Variants in CDH18 observed in about 807,000 individuals in gnomAD.
CDH18 encodes the protein cadherin 18.
CDH18 carries 31 observed loss-of-function variants against 67.9 expected under a neutral mutation model. The observed-to-expected ratio is 0.46, with a 90% CI of 0.34 to 0.62. CDH18 has a LOEUF of 0.62. Among genes scored for constraint, CDH18 ranks in the 20% least tolerant of loss-of-function variants. CDH18 has a pLI of 0.01. For synonymous variants in CDH18, 362 were observed against 347.2 expected (o/e 1.04, Z -0.48); for missense variants, 890 against 975.5 (o/e 0.91, Z 1.17).
At chr5:19,941,409 C>A (rs369312299) in intron 2 of CDH18, among the ~76,000 whole-genome samples, 1 of 152,100 alleles carries the variant, frequency 6.6e-6, no homozygotes. Flanking sequence ...TTGGTTGAGA[C>A]GGGACTGAGT....
intron 5 of CDH18, among the ~76,000 whole-genome samples, chr5:19,706,619 T>C (rs923913967): frequency 6.6e-5 from 10 of 152,200 alleles, no homozygotes; most frequent in African/African-American, 2.4e-4. Context: ...CAGGACAGTC[T>C]TCTGCCTGTG....
chr5:19,962,017 T>C (rs918803314), intron 2 of CDH18, among the ~76,000 whole-genome samples: 2 of 152,018 alleles, frequency 1.3e-5, no homozygotes, highest in African/African-American at 4.8e-5. Context: ...TATTCTGTTA[T>C]CATTCCTTTT....
At chr5:20,330,439 GC>G (rs2150024485) in intron 1 of CDH18, among the ~76,000 whole-genome samples, 1 of 152,230 alleles carries the variant, frequency 6.6e-6, no homozygotes, top group African/African-American at 2.4e-5. Context: ...CCCAGCTGGT[GC>G]CAGGGAAAGG....
chr5:20,070,639 G>A (rs1287831967), intron 2 of CDH18, among the ~76,000 whole-genome samples: 1 of 152,174 alleles, frequency 6.6e-6, no homozygotes, highest in Non-Finnish European at 1.5e-5. Context: ...ATGTTTTGCA[G>A]ATGGGTGCCT....
intron 2 of CDH18, among the ~76,000 whole-genome samples, chr5:20,128,053 T>C (rs935609561): frequency 3.9e-5 from 6 of 152,092 alleles, no homozygotes; most frequent in African/African-American, 7.3e-5. Context: ...TAGGTCAGTA[T>C]TGGCTCACGC....
chr5:20,450,125 G>A (rs1295127764), intron 1 of CDH18, among the ~76,000 whole-genome samples: 1 of 152,026 alleles, frequency 6.6e-6, no homozygotes, highest in African/African-American at 2.4e-5. Flanking sequence ...ATCACCTGAG[G>A]TCAGGAGTTG....
At chr5:20,499,403 C>G (rs1482610379) in intron 1 of CDH18, among the ~76,000 whole-genome samples, 1 of 150,902 alleles carries the variant, frequency 6.6e-6, no homozygotes, top group Non-Finnish European at 1.5e-5. Context: ...ATTTTTTATT[C>G]TTTTCTAAAT....
chr5:20,239,316 C>T (rs1742713146), intron 2 of CDH18, among the ~76,000 whole-genome samples: 4 of 151,856 alleles, frequency 2.6e-5, no homozygotes, highest in Admixed American at 2.6e-4. Flanking sequence ...ACTATCTGGG[C>T]GTGGTGGCGG....
At chr5:20,191,394 T>G (rs1247224796) in intron 2 of CDH18, among the ~76,000 whole-genome samples, 1 of 152,102 alleles carries the variant, frequency 6.6e-6, no homozygotes, top group Non-Finnish European at 1.5e-5. Context: ...CATTTTTTCC[T>G]CCTTTATTTC....
intron 2 of CDH18, among the ~76,000 whole-genome samples, chr5:19,994,691 A>G (rs1735746082): frequency 9.0e-6 from 1 of 110,600 alleles, no homozygotes; most frequent in African/African-American, 3.4e-5. Flanking sequence ...TCAAATGCTA[A>G]CCTCTTCCAG....
intron 1 of CDH18, among the ~76,000 whole-genome samples, chr5:19,986,387 T>C (rs1162974067): frequency 6.6e-6 from 1 of 152,212 alleles, no homozygotes; most frequent in Non-Finnish European, 1.5e-5. Context: ...TTGGGTTATC[T>C]TCAGCTGGGC....
intron 2 of CDH18, among the ~76,000 whole-genome samples, chr5:20,055,938 T>C (rs1348355392): frequency 6.6e-6 from 1 of 151,652 alleles, no homozygotes; most frequent in East Asian, 1.9e-4. Flanking sequence ...GCCAGCATTA[T>C]ATAGGGCTTG....
chr5:19,865,642 C>A (rs1478319579), intron 2 of CDH18, among the ~76,000 whole-genome samples: 1 of 152,072 alleles, frequency 6.6e-6, no homozygotes, highest in African/African-American at 2.4e-5. Flanking sequence ...GTGCTTAATG[C>A]TCATTAGCAT....
intron 4 of CDH18, among the ~76,000 whole-genome samples, chr5:19,734,476 C>T (rs1768032747): frequency 6.6e-6 from 1 of 152,030 alleles, no homozygotes. Context: ...ATTCTTGTGT[C>T]ACAATATTCC....
chr5:19,882,767 T>C (rs1787790020), intron 2 of CDH18, among the ~76,000 whole-genome samples: 2 of 152,070 alleles, frequency 1.3e-5, no homozygotes, highest in Admixed American at 6.6e-5. Flanking sequence ...ATTAATGCCC[T>C]AAGAGAATGC....
chr5:19,803,508 G>A lies in CDH18; in HGVS notation c.228+35251C>T, dbSNP rs908024985. Among the ~76,000 whole-genome samples the A allele has an allele frequency of 2.6e-5, 4 of 152,144 alleles. No homozygotes were observed. In the East Asian group the frequency reaches 5.8e-4, roughly 22 times the overall value. ...TGTAGCTAGTGACTATCGTAATAGTGCAGATGTACAACATAACCACAACTG... is the reference window on the plus strand; with the variant it reads ...TGTAGCTAGTGACTATCGTAATAGTACAGATGTACAACATAACCACAACTG... On this transcript the variant is annotated intron_variant, in intron 3 of 12. Coordinates refer to ENST00000382275, the MANE Select transcript of CDH18 (RefSeq NM_004934.5).
At position 19,896,455 on chromosome 5, in the gene CDH18, G is replaced by A. The variant is rs1221747870; in HGVS notation, c.-256-57213C>T. ...CTTCTAAGAGAGAGGCAAGGGGCTAGGTACACACATAAAAGATGAGGCTGT... is the reference window on the plus strand; with the variant it reads ...CTTCTAAGAGAGAGGCAAGGGGCTAAGTACACACATAAAAGATGAGGCTGT... On this transcript the variant is annotated intron_variant, in intron 2 of 12. Transcript: ENST00000382275. 2.0e-5 allele frequency among the ~76,000 whole-genome samples: 3 copies of A among 152,120 alleles called. No homozygotes were observed. In the East Asian group the frequency reaches 5.8e-4, roughly 29 times the overall value.
At chr5:19,687,641 T>C (rs978944266) in intron 5 of CDH18, among the ~76,000 whole-genome samples, 3 of 152,130 alleles carry the variant, frequency 2.0e-5, no homozygotes, top group African/African-American at 7.2e-5. Flanking sequence ...TCCAGTGCAG[T>C]TTCACATGCC....
At chr5:20,522,232 C>T (rs978221667) in intron 1 of CDH18, among the ~76,000 whole-genome samples, 2 of 152,114 alleles carry the variant, frequency 1.3e-5, no homozygotes, top group African/African-American at 4.8e-5. Flanking sequence ...AACTCCTAGC[C>T]TTCACTATGA....
Sources: gnomAD v4.1 joint callset for allele counts (sites outside exome capture counted in the v4.1 genomes callset) on GRCh38, gnomAD v4.1.1 for gene constraint, MANE v1.5 for transcripts, NCBI Gene and HGNC (gene_info 2026-07-23, HGNC 2026-07-21) for gene names.